DNER: variants seen among roughly 807,000 people sequenced by gnomAD.
DNER encodes delta/notch like EGF repeat containing.
In DNER, 33 loss-of-function variants were observed where a neutral mutation model predicts 78.2. The ratio of observed to expected loss-of-function variants is 0.42; its 90% CI spans 0.32 to 0.56. DNER has a LOEUF of 0.56. DNER is among the 20% of genes least tolerant of loss of function. DNER has a pLI of 0.11. For missense variants in DNER, 918 were observed against 975.3 expected (o/e 0.94, Z 0.78); for synonymous variants, 417 against 384.8 (o/e 1.08, Z -0.98).
Position 229,447,381 on chromosome 2 carries a change from A to AGGGCACAGAAGTCAATAAGCT in DNER, c.1400_1420dup (p.Gln467_Ala473dup). 6.2e-7 allele frequency: 1 copy of AGGGCACAGAAGTCAATAAGCT among 1,613,104 alleles called. No individual in the cohort carries two copies. Among genetic ancestry groups the AGGGCACAGAAGTCAATAAGCT allele is most frequent in the South Asian group, 1.1e-5 (1 of 90,788 alleles). On this transcript the variant is annotated inframe_insertion, in exon 8 of 13. Transcript: ENST00000341772. ...GCACGTGCCATGAGCACAGGGGCTG[A>AGGGCACAGAAGTCAATAAGCT]GGGCACAGAAGTCAATAAGCTGGGC...
At chr2:229,627,392 A>G (rs1363603285) in intron 1 of DNER, among the ~76,000 whole-genome samples, 2 of 152,272 alleles carry the variant, frequency 1.3e-5, no homozygotes, top group Non-Finnish European at 2.9e-5. Context: ...AACTTTAGAC[A>G]TAACAGATTT....
At chr2:229,609,612 GAA>G (rs1698007136) in intron 1 of DNER, among the ~76,000 whole-genome samples, 1 of 152,124 alleles carries the variant, frequency 6.6e-6, no homozygotes, top group African/African-American at 2.4e-5. Flanking sequence ...GCCCTTTACA[GAA>G]AAAGTTTGCT....
At chr2:229,564,787 C>A (rs1485012929) in intron 4 of DNER, among the ~76,000 whole-genome samples, 2 of 152,082 alleles carry the variant, frequency 1.3e-5, no homozygotes, top group Admixed American at 1.3e-4. Flanking sequence ...AAAATGGAGT[C>A]CTGGCTTATT....
At chr2:229,392,632 T>C (rs1001836875) in intron 10 of DNER, among the ~76,000 whole-genome samples, 4 of 152,098 alleles carry the variant, frequency 2.6e-5, no homozygotes, top group Non-Finnish European at 5.9e-5. Flanking sequence ...CTGAGAAATA[T>C]TCAGATTTGC....
chr2:229,588,871 A>G (rs1697548665), intron 2 of DNER, among the ~76,000 whole-genome samples: 1 of 152,182 alleles, frequency 6.6e-6, no homozygotes, highest in African/African-American at 2.4e-5. Flanking sequence ...CTAACTTACA[A>G]ACAGCAGGTA....
intron 8 of DNER, among the ~76,000 whole-genome samples, chr2:229,439,678 G>A (rs1433361767): frequency 1.3e-5 from 2 of 152,144 alleles, no homozygotes; most frequent in East Asian, 3.8e-4. Flanking sequence ...AGAGTCAATG[G>A]CTTTGTTACA....
chr2:229,439,146 G>T (rs1694184940), intron 8 of DNER, among the ~76,000 whole-genome samples: 1 of 152,220 alleles, frequency 6.6e-6, no homozygotes, highest in African/African-American at 2.4e-5. Context: ...CGGAGTCACA[G>T]AAAGCCACCA....
At chr2:229,427,529 A>C (rs1693904744) in intron 8 of DNER, among the ~76,000 whole-genome samples, 1 of 152,160 alleles carries the variant, frequency 6.6e-6, no homozygotes, top group Non-Finnish European at 1.5e-5. Context: ...ATAACTGGGA[A>C]GTATAAGCAA....
At chr2:229,548,245 A>T (rs145403742) in intron 4 of DNER, among the ~76,000 whole-genome samples, 5 of 152,366 alleles carry the variant, frequency 3.3e-5, no homozygotes. Context: ...CACACCTCAC[A>T]CTATACAAAA....
intron 1 of DNER, among the ~76,000 whole-genome samples, chr2:229,660,958 A>C (rs1699000441): frequency 6.6e-6 from 1 of 152,218 alleles, no homozygotes; most frequent in Non-Finnish European, 1.5e-5. Context: ...AATTAAAGGA[A>C]AATTAAGAAT....
intron 1 of DNER, among the ~76,000 whole-genome samples, chr2:229,708,247 C>T (rs190109288): frequency 1.3e-5 from 2 of 152,308 alleles, no homozygotes; most frequent in Admixed American, 1.3e-4. Context: ...TGATAAGAGT[C>T]TAGCAGGAGC....
intron 11 of DNER, among the ~76,000 whole-genome samples, chr2:229,385,276 C>T (rs371278613): frequency 2.0e-4 from 31 of 152,190 alleles, no homozygotes; most frequent in African/African-American, 6.3e-4. Flanking sequence ...GTTTAACACA[C>T]CTTCATGCTA....
At chr2:229,563,348 C>T (rs1697002782) in intron 4 of DNER, among the ~76,000 whole-genome samples, 1 of 150,976 alleles carries the variant, frequency 6.6e-6, no homozygotes. Flanking sequence ...TCATCATCAT[C>T]CTCCTTACCC....
At chr2:229,517,663 T>C (rs1696007928) in intron 5 of DNER, among the ~76,000 whole-genome samples, 1 of 152,152 alleles carries the variant, frequency 6.6e-6, no homozygotes, top group Non-Finnish European at 1.5e-5. Context: ...TCAAATCCCG[T>C]GGGATGGTGG....
chr2:229,671,635 T>C (rs1300043946), intron 1 of DNER, among the ~76,000 whole-genome samples: 2 of 152,204 alleles, frequency 1.3e-5, no homozygotes, highest in African/African-American at 4.8e-5. Flanking sequence ...TGGTGCTCCA[T>C]AAATATGGGC....
chr2:229,664,593 C>A (rs1699059020), intron 1 of DNER, among the ~76,000 whole-genome samples: 1 of 152,180 alleles, frequency 6.6e-6, no homozygotes, highest in Admixed American at 6.5e-5. Flanking sequence ...AGAAGCAATG[C>A]AGATAACTGA....
intron 8 of DNER, among the ~76,000 whole-genome samples, chr2:229,420,918 A>T (rs540293523): frequency 2.6e-5 from 4 of 152,196 alleles, no homozygotes; most frequent in Non-Finnish European, 5.9e-5. Flanking sequence ...ATTGCTGGGT[A>T]CTCAACCAAA....
chr2:229,578,211 C>A (rs1389411345), intron 4 of DNER, among the ~76,000 whole-genome samples: 3 of 152,102 alleles, frequency 2.0e-5, no homozygotes, highest in Non-Finnish European at 4.4e-5. Flanking sequence ...TCTGGCATGT[C>A]CTGGTCGGTC....
chr2:229,588,966 G>C (rs1025683720), intron 2 of DNER, among the ~76,000 whole-genome samples: 11 of 152,232 alleles, frequency 7.2e-5, no homozygotes, highest in Non-Finnish European at 1.2e-4. Flanking sequence ...GTGCTGATGG[G>C]TCCAGGAGCA....
Sources: gnomAD v4.1 joint callset for allele counts (sites outside exome capture counted in the v4.1 genomes callset) on GRCh38, gnomAD v4.1.1 for gene constraint, MANE v1.5 for transcripts, NCBI Gene and HGNC (gene_info 2026-07-23, HGNC 2026-07-21) for gene names.